Variants in SEMA3F observed in about 807,000 individuals in gnomAD.
SEMA3F encodes the protein semaphorin 3F, also known as semaphorin-3F.
SEMA3F carries 30 observed loss-of-function variants against 98.5 expected under a neutral mutation model. The observed-to-expected ratio is 0.30, with a 90% CI of 0.23 to 0.41. The LOEUF is 0.41. SEMA3F is among the 10% of genes least tolerant of loss of function. The pLI is 1.00. For synonymous variants in SEMA3F, 380 were observed against 444.8 expected (o/e 0.85, Z 1.83); for missense variants, 866 against 1,119.3 (o/e 0.77, Z 3.23).
Position 50,185,427 on chromosome 3 carries a change from G to T in SEMA3F, c.1457-16G>T, listed in dbSNP as rs762267688. On this transcript the variant is annotated splice_polypyrimidine_tract_variant and intron_variant, in intron 13 of 18. Coordinates refer to ENST00000002829, the MANE Select transcript of SEMA3F (RefSeq NM_004186.5). ...GCATCCCCAGCCCCACTGAGGCCCT[G>T]CCCGGCCCGTTCCAGACCGCGGGAC... The T allele has an allele frequency of 4.4e-6, 7 of 1,608,106 alleles. No homozygotes were observed. The Admixed American group carries it at 1.2e-4, about 27-fold the overall frequency.
chr3:50,157,497 G>A (rs1698033389), intron 1 of SEMA3F, among the ~76,000 whole-genome samples: 1 of 152,052 alleles, frequency 6.6e-6, no homozygotes, highest in East Asian at 1.9e-4. Flanking sequence ...TGACTTGGGG[G>A]CTTTTCTGGG....
Position 50,183,275 on chromosome 3 carries a change from C to T in SEMA3F, c.1088+20C>T. On this transcript the variant is annotated intron_variant, in intron 11 of 18. Coordinates refer to ENST00000002829, the MANE Select transcript of SEMA3F (RefSeq NM_004186.5). ...CTCTGGGTGAGGCTGGGGTCAGGGC[C>T]AGCAGTGGCAGGGAGTGGCCCCGTT... 1.2e-6 allele frequency: 2 copies of T among 1,613,084 alleles called. No homozygotes were observed. The highest frequency in any genetic ancestry group is 1.7e-6 in the Non-Finnish European group (2 of 1,179,182).
intron 17 of SEMA3F, 49 bp from the exon 18 acceptor site, chr3:50,186,564 G>C (rs1245043015): frequency 1.3e-6 from 2 of 1,563,452 alleles, no homozygotes; most frequent in Non-Finnish European, 1.7e-6. Context: ...GCAGTCAGCA[G>C]GCTGCCCGGA....
rs1698830921 is a variant in SEMA3F at position 50,176,785 on chromosome 3, G to A, written c.567G>A (p.Leu189=). ...TAPRQDYIFY[L]EPERLESGKG... The stretch of plus-strand genomic sequence containing the variant: ...CCTTACAGGATTACATCTTCTACCT[G>A]GAGCCTGAGCGACTCGAGTCAGGGA... Residue 189 remains leucine (L), a synonymous_variant, in exon 7 of 19, where the codon CTG becomes CTA. Transcript: ENST00000002829. 6.2e-7 allele frequency: 1 copy of A among 1,612,810 alleles called. No homozygotes were observed.
rs916625641 is a variant in SEMA3F, at chr3:50,175,248, T to G, written c.549+60T>G. 5.6e-6 allele frequency: 7 copies of G among 1,247,900 alleles called. No homozygotes were observed. In the African/African-American group the frequency reaches 1.0e-4, roughly 19 times the overall value. 77.3% of individuals were successfully genotyped at this position (1,247,900 alleles called of 1,614,324 possible). A position where few individuals can be genotyped will look rare whatever the true frequency, so the allele number is the denominator to read the frequency against. Reference sequence around the variant, plus strand: ...CACTGCCTCTGAGCGGAACTCACCCTGGGCCTGCACCTGAGGCCAGCCTCC... The same window carrying G: ...CACTGCCTCTGAGCGGAACTCACCCGGGGCCTGCACCTGAGGCCAGCCTCC... On this transcript the variant is annotated intron_variant, in intron 6 of 18. Transcript: ENST00000002829.
intron 7 of SEMA3F, among the ~76,000 whole-genome samples, chr3:50,178,877 G>C (rs1338253708): frequency 2.2e-5 from 3 of 135,802 alleles, no homozygotes; most frequent in African/African-American, 8.3e-5. Flanking sequence ...TGTCGCCCAG[G>C]CTGGAGTGCA....
Position 50,173,784 on chromosome 3 carries a change from C to T in SEMA3F, c.113-9C>T, listed in dbSNP as rs929853541. 2 of 1,613,616 alleles carry T rather than the reference C, an allele frequency of 1.2e-6. No individual in the cohort carries two copies. Among genetic ancestry groups the T allele is most frequent in the Non-Finnish European group, 8.5e-7 (1 of 1,179,714 alleles). On this transcript the variant is annotated splice_polypyrimidine_tract_variant and intron_variant, in intron 2 of 18. Transcript: ENST00000002829. Reference sequence around the variant, plus strand: ...AGGTCCTAATTGGTGCCCTGCCCTCCACCCACAGAGCTGAAGGCCACAGGC... The same window carrying T: ...AGGTCCTAATTGGTGCCCTGCCCTCTACCCACAGAGCTGAAGGCCACAGGC...
intron 2 of SEMA3F, among the ~76,000 whole-genome samples, chr3:50,171,060 C>T (rs992787902): frequency 2.0e-5 from 3 of 152,172 alleles, no homozygotes; most frequent in African/African-American, 4.8e-5. Context: ...ATGTCACATC[C>T]CTTCCCTGTG....
chr3:50,185,620 G>A (rs1699184070), intron 14 of SEMA3F, 46 bp from the exon 15 acceptor site: 1 of 1,613,866 alleles, frequency 6.2e-7, no homozygotes, highest in African/African-American at 1.3e-5. Flanking sequence ...GGTCAGGGCA[G>A]GGAGGGGGTC....
At position 50,155,655 on chromosome 3, in the gene SEMA3F, G is replaced by A. The variant is rs1697948073; in HGVS notation, c.-49+91G>A. ...CCCGCGGCACTGCAACTCCGCAGAA[G>A]TGTCCGGGGAGCGGGTCTCGTCGAG... On this transcript the variant is annotated intron_variant, in intron 1 of 18. Transcript: ENST00000002829. This position sits in a 1 kb window ranked among gnomAD's most constrained non-coding sequence, Gnocchi z 4.9. The A allele has an allele frequency of 4.6e-6, 1 of 215,700 alleles. No individual in the cohort carries two copies. The highest frequency in any genetic ancestry group is 1.5e-3 in the Middle Eastern group (1 of 646). 13.4% of individuals were successfully genotyped at this position (215,700 alleles called of 1,614,324 possible).
intron 7 of SEMA3F, among the ~76,000 whole-genome samples, chr3:50,180,000 T>C (rs1394549013): frequency 1.3e-5 from 2 of 152,254 alleles, no homozygotes; most frequent in African/African-American, 2.4e-5. Flanking sequence ...GTGTGTTTAC[T>C]GGAATAGCCC....
intron 12 of SEMA3F, 161 bp from the exon 13 acceptor site, chr3:50,184,430 CT>C (rs2109119035): frequency 1.6e-6 from 1 of 632,052 alleles, no homozygotes; most frequent in East Asian, 2.7e-5. Context: ...AGAGCAGGAC[CT>C]GTAGAGGTCA....
chr3:50,161,685 A>G (rs1400675425), intron 2 of SEMA3F, among the ~76,000 whole-genome samples: 1 of 152,242 alleles, frequency 6.6e-6, no homozygotes, highest in Admixed American at 6.5e-5. Flanking sequence ...TTACTACTGT[A>G]TGACAGGCCC....
At chr3:50,173,998 C>G (rs1698709953) in intron 3 of SEMA3F, 45 bp downstream of exon 3, 1 of 1,613,950 alleles carries the variant, frequency 6.2e-7, no homozygotes, top group Non-Finnish European at 8.5e-7. Flanking sequence ...GCACGGAGCC[C>G]CAGGGCTCAG....
chr3:50,166,270 A>T lies in SEMA3F; in HGVS notation c.112+6536A>T, dbSNP rs1229016149. ...CCCTCATTTCCCCCGGCCAGAGTCC[A>T]CTGCCTCGTGTGTCTGCTGTTCAGC... On this transcript the variant is annotated intron_variant, in intron 2 of 18. Transcript: ENST00000002829. The surrounding 1 kb of genome is among the most constrained non-coding windows in gnomAD (Gnocchi z 4.7). Among the ~76,000 whole-genome samples, 1 of 152,134 alleles carries T rather than the reference A, an allele frequency of 6.6e-6. No individual in the cohort carries two copies. Among genetic ancestry groups the T allele is most frequent in the Non-Finnish European group, 1.5e-5 (1 of 68,030 alleles).
chr3:50,174,184 G>C, intron 4 of SEMA3F, 47 bp from the exon 5 acceptor site: 1 of 1,613,778 alleles, frequency 6.2e-7, no homozygotes, highest in Non-Finnish European at 8.5e-7. Flanking sequence ...CCCAGTGAGG[G>C]GGCAGGCCTG....
At chr3:50,187,422 C>CAAAAAAA (rs901489365) in intron 18 of SEMA3F, among the ~76,000 whole-genome samples, 1 of 58,936 alleles carries the variant, frequency 1.7e-5, no homozygotes, top group Non-Finnish European at 3.9e-5. Flanking sequence ...GACCTTGTCT[C>CAAAAAAA]AAAAAAAAAA....
At chr3:50,170,465 C>T (rs1698559785) in intron 2 of SEMA3F, among the ~76,000 whole-genome samples, 1 of 152,068 alleles carries the variant, frequency 6.6e-6, no homozygotes, top group Non-Finnish European at 1.5e-5. Context: ...TGGAAGCCTG[C>T]TTCCTTGGGG....
chr3:50,155,238 C>T, upstream of SEMA3F: 1 of 335,902 alleles, frequency 3.0e-6, no homozygotes, highest in Non-Finnish European at 5.4e-6. This position sits in a 1 kb window ranked among gnomAD's most constrained non-coding sequence, Gnocchi z 4.9. Context: ...CGAGTGCGCG[C>T]CACCGCCCGC....
Sources: allele counts gnomAD v4.1 joint callset (sites outside exome capture counted in the v4.1 genomes callset), GRCh38; gene constraint gnomAD v4.1.1; non-coding constraint Gnocchi (gnomAD v3.1); transcripts MANE v1.5; gene names NCBI Gene and HGNC (gene_info 2026-07-23, HGNC 2026-07-21).